The following IL1RAPL1 variants were observed in gnomAD, a reference collection of about 807,000 sequenced individuals.
IL1RAPL1 encodes the protein interleukin-1 receptor accessory protein-like 1.
In IL1RAPL1, 3 loss-of-function variants were observed where a neutral mutation model predicts 48.4. The ratio of observed to expected loss-of-function variants is 0.06; its 90% CI spans 0.03 to 0.16. The LOEUF is 0.16. Among genes scored for constraint, IL1RAPL1 ranks in the 10% least tolerant of loss-of-function variants. The pLI is 1.00. For missense variants in IL1RAPL1, 349 were observed against 530.6 expected (o/e 0.66, Z 3.36); for synonymous variants, 185 against 187.7 (o/e 0.99, Z 0.12).
rs892959211 is a variant in IL1RAPL1, at chrX:29,948,404, A to T, written c.1202-6118A>T. ...AATTGCCAGAGGTTGTCATAGCAGA[A>T]TTGAAAAGCAAAATTTATTAAGACA... On this transcript the variant is annotated intron_variant, in intron 9 of 10. Coordinates refer to ENST00000378993, the MANE Select transcript of IL1RAPL1 (RefSeq NM_014271.4). Among the ~76,000 whole-genome samples, 6 of 111,839 alleles carry T rather than the reference A, an allele frequency of 5.4e-5. No individual in the cohort carries two copies. In the East Asian group the frequency reaches 1.4e-3, roughly 26 times the overall value.
At chrX:29,249,572 A>AT (rs1015467485) in intron 2 of IL1RAPL1, among the ~76,000 whole-genome samples, 11 of 111,535 alleles carry the variant, frequency 9.9e-5, no homozygotes, top group Admixed American at 1.9e-4. Flanking sequence ...TTTATTTTCA[A>AT]TTTTTTTCCT....
At chrX:29,090,832 C>A (rs1000966857) in intron 2 of IL1RAPL1, among the ~76,000 whole-genome samples, 9 of 112,184 alleles carry the variant, frequency 8.0e-5, no homozygotes, top group Non-Finnish European at 1.7e-4. Flanking sequence ...AGGAAATAAC[C>A]CAATTCCTCT....
At chrX:29,831,505 T>A (rs1930874865) in intron 6 of IL1RAPL1, among the ~76,000 whole-genome samples, 1 of 111,863 alleles carries the variant, frequency 8.9e-6, no homozygotes. Flanking sequence ...ATGAGGATCA[T>A]GAGAAATGAC....
intron 6 of IL1RAPL1, among the ~76,000 whole-genome samples, chrX:29,881,816 C>A (rs1019275366): frequency 1.4e-4 from 16 of 111,285 alleles, no homozygotes; most frequent in Admixed American, 1.9e-4. Flanking sequence ...ATAATTTATT[C>A]TTTTCTTATA....
intron 6 of IL1RAPL1, among the ~76,000 whole-genome samples, chrX:29,673,331 A>G (rs1926187503): frequency 8.9e-6 from 1 of 111,951 alleles, no homozygotes; most frequent in South Asian, 3.7e-4. Context: ...GAGTCTAAAC[A>G]TTATTGTTTT....
At chrX:29,727,583 A>C (rs1302406608) in intron 6 of IL1RAPL1, among the ~76,000 whole-genome samples, 1 of 111,854 alleles carries the variant, frequency 8.9e-6, no homozygotes, top group Non-Finnish European at 1.9e-5. Flanking sequence ...TGGAAGAGAA[A>C]AATCAGATGA....
chrX:29,649,901 T>C (rs2092992220), intron 5 of IL1RAPL1, among the ~76,000 whole-genome samples: 1 of 111,626 alleles, frequency 9.0e-6, no homozygotes, highest in Non-Finnish European at 1.9e-5. Flanking sequence ...AATAAACAAG[T>C]TCAGTAAAGT....
At chrX:29,832,245 G>A (rs186492307) in intron 6 of IL1RAPL1, among the ~76,000 whole-genome samples, 8 of 111,919 alleles carry the variant, frequency 7.1e-5, no homozygotes, top group Admixed American at 5.7e-4. Context: ...AATTAAATCC[G>A]TGCTCTACCT....
chrX:28,717,668 G>A (rs772580415), intron 1 of IL1RAPL1, among the ~76,000 whole-genome samples: 97 of 111,409 alleles, frequency 8.7e-4, no homozygotes, highest in African/African-American at 2.7e-3. Flanking sequence ...AAAAAAAATC[G>A]TTCATGAGTC....
chrX:29,012,565 G>A (rs1602011140), intron 2 of IL1RAPL1, among the ~76,000 whole-genome samples: 1 of 111,339 alleles, frequency 9.0e-6, no homozygotes, highest in South Asian at 3.8e-4. Context: ...CAGATTTATG[G>A]TGATGCTTGA....
intron 2 of IL1RAPL1, among the ~76,000 whole-genome samples, chrX:29,037,930 T>C (rs1400509875): frequency 9.0e-6 from 1 of 111,483 alleles, no homozygotes; most frequent in East Asian, 2.8e-4. Flanking sequence ...CAAATCAAGG[T>C]ATCTCAGACA....
Position 29,177,938 on chromosome X carries a change from G to A in IL1RAPL1, c.83-105000G>A, listed in dbSNP as rs776250753. 4.5e-5 allele frequency among the ~76,000 whole-genome samples: 5 copies of A among 111,879 alleles called. No individual in the cohort carries two copies. In the South Asian group the frequency reaches 1.1e-3, roughly 25 times the overall value. The stretch of plus-strand genomic sequence containing the variant: ...GGACATGAATTCATCCTTTTTTATG[G>A]CTGCATAGTATTCCATGGTGTATAT... On this transcript the variant is annotated intron_variant, in intron 2 of 10. Transcript: ENST00000378993.
chrX:29,944,202 G>A (rs1476699537), intron 9 of IL1RAPL1, among the ~76,000 whole-genome samples: 1 of 111,527 alleles, frequency 9.0e-6, no homozygotes, highest in African/African-American at 3.3e-5. Flanking sequence ...AAAAAGCGGG[G>A]GGCAGGGGGA....
At chrX:29,011,275 G>A (rs763483046) in intron 2 of IL1RAPL1, among the ~76,000 whole-genome samples, 1 of 111,965 alleles carries the variant, frequency 8.9e-6, no homozygotes, top group Non-Finnish European at 1.9e-5. Context: ...CAAGACCTAT[G>A]TATTGACCCA....
Position 29,132,910 on chromosome X carries a change from G to A in IL1RAPL1, c.83-150028G>A, listed in dbSNP as rs140490043. 9.0e-5 allele frequency among the ~76,000 whole-genome samples: 10 copies of A among 111,265 alleles called. No homozygotes were observed. In the Admixed American group the frequency reaches 9.6e-4, roughly 11 times the overall value. On this transcript the variant is annotated intron_variant, in intron 2 of 10. Transcript: ENST00000378993. ...TATAAACTAATTGCTTCTTCATTTA[G>A]TTGGATATATAGGGTGATAAAAATA...
At chrX:29,416,579 G>A (rs1006746733) in intron 5 of IL1RAPL1, among the ~76,000 whole-genome samples, 1 of 111,521 alleles carries the variant, frequency 9.0e-6, no homozygotes, top group Middle Eastern at 4.7e-3. Context: ...CCTCAATGAT[G>A]TGCCATAATA....
intron 2 of IL1RAPL1, among the ~76,000 whole-genome samples, chrX:29,231,624 C>T (rs1602125033): frequency 9.0e-6 from 1 of 111,583 alleles, no homozygotes; most frequent in East Asian, 2.8e-4. Context: ...GGTCTGCATT[C>T]TCAAACTTTG....
At chrX:29,915,058 G>T (rs1330484307) in intron 6 of IL1RAPL1, among the ~76,000 whole-genome samples, 2 of 109,451 alleles carry the variant, frequency 1.8e-5, no homozygotes, top group African/African-American at 7.1e-5. Context: ...CACTTTGGGA[G>T]GCCAAGGCGG....
At chrX:29,490,274 G>A (rs1935141571) in intron 5 of IL1RAPL1, among the ~76,000 whole-genome samples, 2 of 111,793 alleles carry the variant, frequency 1.8e-5, no homozygotes, top group South Asian at 7.5e-4. Context: ...GCTCACACCT[G>A]TAATCCCAGC....
Sources: gnomAD v4.1 joint callset for allele counts (sites outside exome capture counted in the v4.1 genomes callset) on GRCh38, gnomAD v4.1.1 for gene constraint, MANE v1.5 for transcripts, NCBI Gene and HGNC (gene_info 2026-07-23, HGNC 2026-07-21) for gene names.